Variants in LARGE1 observed in about 807,000 individuals in gnomAD.
LARGE1 encodes LARGE xylosyl- and glucuronyltransferase 1, also known as xylosyl- and glucuronyltransferase LARGE1.
A neutral mutation model predicts 87.6 loss-of-function variants in LARGE1; 43 were observed. The observed-to-expected ratio is 0.49, with a 90% CI of 0.38 to 0.63. The LOEUF (loss-of-function observed/expected upper bound fraction) is 0.63, where lower values mean the gene tolerates loss of function less well. LARGE1 is among the 30% of genes least tolerant of loss of function. The pLI, the probability that LARGE1 is intolerant of heterozygous loss-of-function variation, is 0.00. For missense variants in LARGE1, 802 were observed against 1,000.2 expected, an observed-to-expected ratio of 0.80 and a Z score of 2.67; for synonymous variants, 434 against 394.6, an observed-to-expected ratio of 1.10 and a Z score of -1.18.
At chr22:33,405,894 C>T (rs535586254) in intron 7 of LARGE1, among the ~76,000 whole-genome samples, 10 of 152,202 alleles carry the variant, frequency 6.6e-5, no homozygotes, top group African/African-American at 2.2e-4. Context: ...TCTGTGGTTA[C>T]GTTAACTCAT....
chr22:33,448,308 G>T (rs934071309), intron 6 of LARGE1, among the ~76,000 whole-genome samples: 1 of 152,154 alleles, frequency 6.6e-6, no homozygotes, highest in Non-Finnish European at 1.5e-5. Flanking sequence ...GTAATACTTG[G>T]AGGGAATGTG....
At chr22:33,279,039 CCT>C (rs1929925447) in intron 13 of LARGE1, among the ~76,000 whole-genome samples, 2 of 152,096 alleles carry the variant, frequency 1.3e-5, no homozygotes, top group Admixed American at 1.3e-4. Context: ...CTTATATGTC[CCT>C]GTCCCCCACA....
At chr22:33,291,742 A>G (rs1288388202) in intron 12 of LARGE1, among the ~76,000 whole-genome samples, 7 of 149,492 alleles carry the variant, frequency 4.7e-5, no homozygotes, top group Non-Finnish European at 1.5e-5. Flanking sequence ...TTGCCTTTCC[A>G]CCTTCTTCCA....
intron 6 of LARGE1, among the ~76,000 whole-genome samples, chr22:33,515,321 T>G (rs2071253504): frequency 6.6e-6 from 1 of 152,066 alleles, no homozygotes; most frequent in Admixed American, 6.5e-5. Flanking sequence ...CAGTGCAAAT[T>G]GATGCACAGA....
At chr22:33,262,240 T>C (rs1225131452) in intron 11 of LARGE1, among the ~76,000 whole-genome samples, 1 of 152,206 alleles carries the variant, frequency 6.6e-6, no homozygotes, top group Non-Finnish European at 1.5e-5. Flanking sequence ...GCTTCAAGAA[T>C]GGAGCTCTCA....
At chr22:33,634,568 C>T (rs2080209676) in intron 3 of LARGE1, among the ~76,000 whole-genome samples, 2 of 152,084 alleles carry the variant, frequency 1.3e-5, no homozygotes, top group South Asian at 4.2e-4. Flanking sequence ...CTTCTTTCAG[C>T]TACCACCACA....
intron 6 of LARGE1, among the ~76,000 whole-genome samples, chr22:33,503,549 T>G (rs1238313390): frequency 6.6e-6 from 1 of 152,090 alleles, no homozygotes; most frequent in Non-Finnish European, 1.5e-5. Flanking sequence ...TCACAATAAT[T>G]AAGCACTTTG....
chr22:33,810,481 C>T (rs1401148871), intron 1 of LARGE1, among the ~76,000 whole-genome samples: 1 of 152,168 alleles, frequency 6.6e-6, no homozygotes, highest in African/African-American at 2.4e-5. Flanking sequence ...CAGCTCTGAG[C>T]ACATCAAGGT....
chr22:33,782,386 G>A (rs1458060190), intron 1 of LARGE1, among the ~76,000 whole-genome samples: 1 of 152,116 alleles, frequency 6.6e-6, no homozygotes, highest in East Asian at 1.9e-4. Context: ...TGGGAGTGAG[G>A]AAAATGTTCT....
chr22:33,076,099 T>C, the LARGE1 span, among the ~76,000 whole-genome samples: 1 of 152,210 alleles, frequency 6.6e-6, no homozygotes, highest in Non-Finnish European at 1.5e-5. Context: ...ATTTCTCCTC[T>C]ACCTGACCTT....
chr22:33,497,840 T>TAC (rs1197804635), intron 6 of LARGE1, among the ~76,000 whole-genome samples: 1 of 152,218 alleles, frequency 6.6e-6, no homozygotes, highest in Non-Finnish European at 1.5e-5. Flanking sequence ...ATCTACACTG[T>TAC]ACAAAGCAAG....
intron 1 of LARGE1, among the ~76,000 whole-genome samples, chr22:33,882,990 GA>G (rs1381133137): frequency 6.6e-6 from 1 of 152,146 alleles, no homozygotes; most frequent in Non-Finnish European, 1.5e-5. Flanking sequence ...GAATTATGTT[GA>G]AAATGGGAAA....
At chr22:33,800,269 C>G in intron 1 of LARGE1, among the ~76,000 whole-genome samples, 1 of 152,296 alleles carries the variant, frequency 6.6e-6, no homozygotes, top group Non-Finnish European at 1.5e-5. Flanking sequence ...AAAAATAGTA[C>G]AGAGAGGTCC....
chr22:33,582,262 C>T (rs998258669), intron 5 of LARGE1, among the ~76,000 whole-genome samples: 3 of 152,134 alleles, frequency 2.0e-5, no homozygotes. Flanking sequence ...GCACCTTGCT[C>T]AGAAGTACCA....
At chr22:33,111,902 G>A in the LARGE1 span, among the ~76,000 whole-genome samples, 1 of 152,218 alleles carries the variant, frequency 6.6e-6, no homozygotes, top group Non-Finnish European at 1.5e-5. Flanking sequence ...GGAAAGCAAG[G>A]AAGAGTGTTA....
At chr22:33,174,575 A>G (rs918583321) in intron 11 of LARGE1, among the ~76,000 whole-genome samples, 2 of 152,188 alleles carry the variant, frequency 1.3e-5, no homozygotes, top group African/African-American at 4.8e-5. Flanking sequence ...AAGATCAACA[A>G]CAAAATAGAT....
chr22:33,417,778 C>A (rs1056955435), intron 7 of LARGE1, among the ~76,000 whole-genome samples: 2 of 152,178 alleles, frequency 1.3e-5, no homozygotes, highest in Non-Finnish European at 2.9e-5. Context: ...TCCCCACGCC[C>A]TTTCTCAATC....
intron 4 of LARGE1, among the ~76,000 whole-genome samples, chr22:33,624,574 G>A (rs1189322140): frequency 1.3e-5 from 2 of 152,140 alleles, no homozygotes; most frequent in Non-Finnish European, 2.9e-5. Context: ...GGCCGGACAC[G>A]CTATGGGGGC....
intron 1 of LARGE1, among the ~76,000 whole-genome samples, chr22:33,764,065 G>T (rs1462380202): frequency 6.6e-6 from 1 of 151,762 alleles, no homozygotes; most frequent in Non-Finnish European, 1.5e-5. Context: ...GGCCAAGATG[G>T]TCTCAATCTC....
Sources: allele counts gnomAD v4.1 joint callset (sites outside exome capture counted in the v4.1 genomes callset), GRCh38; gene constraint gnomAD v4.1.1; transcripts MANE v1.5; gene names NCBI Gene and HGNC (gene_info 2026-07-23, HGNC 2026-07-21).